The following SDK1 variants were observed in gnomAD, a reference collection of about 807,000 sequenced individuals.
The protein encoded by SDK1 is protein sidekick-1.
SDK1 carries 157 observed loss-of-function variants against 245.5 expected under a neutral mutation model. The observed-to-expected ratio is 0.64, with a 90% CI of 0.56 to 0.73. The LOEUF is 0.73. Among genes scored for constraint, SDK1 ranks in the 30% least tolerant of loss-of-function variants. SDK1 has a pLI of 0.00. For synonymous variants in SDK1, 1,647 were observed against 1,278.5 expected (o/e 1.29, Z -6.15); for missense variants, 3,583 against 3,002.3 (o/e 1.19, Z -4.52).
intron 5 of SDK1, among the ~76,000 whole-genome samples, chr7:3,840,899 T>A (rs887288972): frequency 1.3e-5 from 2 of 152,120 alleles, no homozygotes; most frequent in African/African-American, 4.8e-5. Context: ...TCTCCCTCAC[T>A]AAAATTTGAG....
chr7:3,851,107 G>A (rs1780409226), intron 5 of SDK1, among the ~76,000 whole-genome samples: 1 of 152,162 alleles, frequency 6.6e-6, no homozygotes, highest in Admixed American at 6.5e-5. Context: ...TGCATGATTA[G>A]TAATTCAAAA....
At chr7:3,643,807 C>G (rs1419216271) in intron 4 of SDK1, 1 of 151,748 alleles carries the variant, frequency 6.6e-6, no homozygotes, top group Non-Finnish European at 1.5e-5. Context: ...TTCCCTAAGC[C>G]CCATGTCTCC....
chr7:4,040,809 T>C (rs1366038831), intron 17 of SDK1, among the ~76,000 whole-genome samples: 3 of 152,238 alleles, frequency 2.0e-5, no homozygotes, highest in African/African-American at 7.2e-5. Context: ...GCATTTTTAC[T>C]GTACACGTGG....
intron 1 of SDK1, among the ~76,000 whole-genome samples, chr7:3,460,086 G>C (rs535382815): frequency 1.7e-4 from 26 of 152,244 alleles, no homozygotes; most frequent in African/African-American, 6.3e-4. Flanking sequence ...TTTCAAAGTG[G>C]TATAATAAAT....
At chr7:4,083,756 TGTC>T (rs1781245104) in intron 22 of SDK1, among the ~76,000 whole-genome samples, 1 of 868 alleles carries the variant, frequency 1.2e-3, no homozygotes, top group African/African-American at 4.4e-3. Flanking sequence ...CTTTACTTCC[TGTC>T]TCCCTCCCTC....
chr7:3,742,850 T>G (rs1779514958), intron 4 of SDK1, among the ~76,000 whole-genome samples: 1 of 152,178 alleles, frequency 6.6e-6, no homozygotes, highest in South Asian at 2.1e-4. Flanking sequence ...GATCGGTTAT[T>G]GGAAAAGAAA....
At chr7:4,237,178 C>T (rs539810549) in intron 41 of SDK1, among the ~76,000 whole-genome samples, 1 of 152,238 alleles carries the variant, frequency 6.6e-6, no homozygotes, top group Admixed American at 6.5e-5. Flanking sequence ...AGGCACACGC[C>T]TCTGTGCCTG....
At position 4,007,181 on chromosome 7, in the gene SDK1, T is replaced by C. The variant is rs1003660487; in HGVS notation, c.2132-3785T>C. Reference sequence around the variant, plus strand: ...AGATGGCGTTCCTGAATGAGAGCAATCAAGGAGGAAGTTTTAGAAGGGGAA... The same window carrying C: ...AGATGGCGTTCCTGAATGAGAGCAACCAAGGAGGAAGTTTTAGAAGGGGAA... On this transcript the variant is annotated intron_variant, in intron 14 of 44. Coordinates refer to ENST00000404826, the MANE Select transcript of SDK1 (RefSeq NM_152744.4). Among the ~76,000 whole-genome samples the C allele has an allele frequency of 3.3e-5, 5 of 152,230 alleles. No individual in the cohort carries two copies. In the East Asian group the frequency reaches 7.7e-4, roughly 24 times the overall value.
chr7:4,032,254 C>T (rs1787874140), intron 17 of SDK1, among the ~76,000 whole-genome samples: 1 of 152,138 alleles, frequency 6.6e-6, no homozygotes, highest in Admixed American at 6.6e-5. Context: ...GGGATTTATT[C>T]CAAGAATGCA....
chr7:3,857,403 C>A (rs1387207480), intron 5 of SDK1, among the ~76,000 whole-genome samples: 2 of 152,170 alleles, frequency 1.3e-5, no homozygotes, highest in East Asian at 1.9e-4. Flanking sequence ...CTAAGACAGG[C>A]TGGGTGTGAC....
intron 1 of SDK1, among the ~76,000 whole-genome samples, chr7:3,545,962 TGAAA>T (rs1370960034): frequency 6.6e-6 from 1 of 152,232 alleles, no homozygotes; most frequent in Non-Finnish European, 1.5e-5. Context: ...ACCTCGTCAT[TGAAA>T]GAAAGACTTT....
Position 3,962,739 on chromosome 7 carries a change from C to T in SDK1, c.1317C>T (p.Ala439=). ...RLQNPRYKVL[A]SGGLRIQKLR... is the part of the protein sequence containing the mutation. ...AGAATCCTCGATACAAAGTGCTCGC[C>T]AGCGGAGGCCTGCGCATCCAGAAGC... The change falls in exon 9 of 45, where the codon GCC becomes GCT. Residue 439 remains alanine (A), a synonymous_variant. Coordinates refer to ENST00000404826, the MANE Select transcript of SDK1 (RefSeq NM_152744.4). The T allele has an allele frequency of 2.5e-6, 4 of 1,613,738 alleles. No homozygotes were observed. In the South Asian group the frequency reaches 3.3e-5, roughly 13 times the overall value.
At chr7:3,824,494 C>A (rs370248641) in intron 5 of SDK1, among the ~76,000 whole-genome samples, 1 of 152,098 alleles carries the variant, frequency 6.6e-6, no homozygotes, top group South Asian at 2.1e-4. Context: ...AGTTTAAAAT[C>A]GGAGTGTCAT....
chr7:3,775,703 A>C (rs1780535483), intron 4 of SDK1, among the ~76,000 whole-genome samples: 1 of 151,598 alleles, frequency 6.6e-6, no homozygotes, highest in African/African-American at 2.4e-5. Context: ...CAGCCTCCCG[A>C]GTAGCTGGGA....
chr7:4,109,135 C>T (rs1783154092), intron 22 of SDK1, among the ~76,000 whole-genome samples: 1 of 152,190 alleles, frequency 6.6e-6, no homozygotes, highest in Non-Finnish European at 1.5e-5. Flanking sequence ...CATGTGCCTG[C>T]AGGTATCTGT....
rs555481003 is a variant in SDK1 at position 3,837,270 on chromosome 7, G to T, written c.847+15687G>T. ...CATTTGTGGCCTGGATTTGCTCCTT[G>T]TGTTTTATTTAGCCCACACAATACC... On this transcript the variant is annotated intron_variant, in intron 5 of 44. Transcript: ENST00000404826. Among the ~76,000 whole-genome samples the T allele has an allele frequency of 3.3e-5, 5 of 152,260 alleles. No individual in the cohort carries two copies. In the South Asian group the frequency reaches 8.3e-4, roughly 25 times the overall value.
At position 3,379,543 on chromosome 7, in the gene SDK1, A is replaced by T. The variant is rs146844603; in HGVS notation, c.298+77659A>T. Among the ~76,000 whole-genome samples, 14 of 152,266 alleles carry T rather than the reference A, an allele frequency of 9.2e-5. No individual in the cohort carries two copies. The East Asian group carries it at 2.5e-3, about 27-fold the overall frequency. ...ATGGAGGGGAACGGGGTCTGCCAGCATCACTCCTCAAGGACATTTACTATT... is the reference window on the plus strand; with the variant it reads ...ATGGAGGGGAACGGGGTCTGCCAGCTTCACTCCTCAAGGACATTTACTATT... On this transcript the variant is annotated intron_variant, in intron 1 of 44. Transcript: ENST00000404826.
intron 5 of SDK1, among the ~76,000 whole-genome samples, chr7:3,883,282 T>C (rs985577735): frequency 5.9e-5 from 9 of 152,234 alleles, no homozygotes; most frequent in Non-Finnish European, 7.3e-5. Flanking sequence ...TCTTAAAAGC[T>C]TAAGGCCTTG....
chr7:3,513,477 C>T (rs915166380), intron 1 of SDK1, among the ~76,000 whole-genome samples: 10 of 151,886 alleles, frequency 6.6e-5, no homozygotes, highest in African/African-American at 2.4e-4. Flanking sequence ...AATTTCAGTG[C>T]AATAGAAGAA....
Sources: allele counts gnomAD v4.1 joint callset (sites outside exome capture counted in the v4.1 genomes callset), GRCh38; gene constraint gnomAD v4.1.1; transcripts MANE v1.5; gene names NCBI Gene and HGNC (gene_info 2026-07-23, HGNC 2026-07-21).